The following BOP1 variants were observed in gnomAD, a reference collection of about 807,000 sequenced individuals.
BOP1 encodes ribosome biogenesis protein BOP1.
BOP1 carries 54 observed loss-of-function variants against 82.9 expected under a neutral mutation model. The ratio of observed to expected loss-of-function variants is 0.65; its 90% CI spans 0.52 to 0.82. The LOEUF (loss-of-function observed/expected upper bound fraction) is 0.82. Among genes scored for constraint, BOP1 ranks in the 40% least tolerant of loss-of-function variants. BOP1 has a pLI of 0.00. For missense variants in BOP1, 1,170 were observed against 1,072.0 expected (o/e 1.09, Z -1.28); for synonymous variants, 566 against 451.1 (o/e 1.25, Z -3.23).
chr8:144,264,150 G>A lies in BOP1; in HGVS notation c.979-8C>T. 3 of 1,610,798 alleles carry A rather than the reference G, an allele frequency of 1.9e-6. No individual in the cohort carries two copies. The highest frequency in any genetic ancestry group is 1.8e-4 in the Middle Eastern group (1 of 5,678). The stretch of plus-strand genomic sequence containing the variant: ...CTGTTCCCACGCCAAGCGCTGTGGA[G>A]ACCAAGACACAGGGGTGGGGAGGGT... On this transcript the variant is annotated splice_region_variant and splice_polypyrimidine_tract_variant and intron_variant, in intron 7 of 15. Coordinates refer to ENST00000569669, the MANE Select transcript of BOP1 (RefSeq NM_015201.5).
chr8:144,266,463 G>C, intron 3 of BOP1: 3 of 973,538 alleles, frequency 3.1e-6, no homozygotes, highest in Non-Finnish European at 3.7e-6. Flanking sequence ...GGCCCGGGAC[G>C]CACATGTGCG....
At position 144,264,502 on chromosome 8, in the gene BOP1, C is replaced by T. The variant is rs2130199430; in HGVS notation, c.765+13G>A. The T allele has an allele frequency of 5.0e-6, 8 of 1,609,144 alleles. No homozygotes were observed. The South Asian group carries it at 7.7e-5, about 16-fold the overall frequency. On this transcript the variant is annotated intron_variant, in intron 6 of 15. Transcript: ENST00000569669. ...GTCAGCCCAGGCCAAGCCCCAGGGG[C>T]TGTGTGCCCCACCTTCTCCTTCTCC...
chr8:144,262,411 T>G lies in BOP1; in HGVS notation c.2072A>C (p.His691Pro). 1 of 1,612,686 alleles carries G rather than the reference T, an allele frequency of 6.2e-7. No individual in the cohort carries two copies. The highest frequency in any genetic ancestry group is 8.5e-7 in the Non-Finnish European group (1 of 1,179,800). Reference sequence around the variant, plus strand: ...CAGCACTCACTTGTACACCATGCCATGGCAGACGATGACACTGCCGTCGTC... The same window carrying G: ...CAGCACTCACTTGTACACCATGCCAGGGCAGACGATGACACTGCCGTCGTC... ...GSDDGSVIVC[H>P]GMVYNDLLQN... Residue 691 changes from histidine (H) to proline (P), a missense_variant, in exon 15 of 16, where the codon CAT (histidine) becomes CCT (proline). By Grantham distance (77) the His-to-Pro change is moderately conservative. Coordinates refer to ENST00000569669, the MANE Select transcript of BOP1 (RefSeq NM_015201.5).
At chr8:144,277,606 G>A (rs1020427615) in intron 2 of BOP1, among the ~76,000 whole-genome samples, 5 of 152,274 alleles carry the variant, frequency 3.3e-5, no homozygotes, top group East Asian at 3.8e-4. Context: ...GTCACCCAGC[G>A]CTCTGTGCCC....
intron 2 of BOP1, among the ~76,000 whole-genome samples, chr8:144,282,869 A>G (rs1200354714): frequency 2.0e-5 from 3 of 151,974 alleles, no homozygotes; most frequent in South Asian, 2.1e-4. Context: ...CCCCAGAAAC[A>G]CAGACAGCAA....
Position 144,267,055 on chromosome 8 carries a change from G to A in BOP1, c.391-1984C>T, listed in dbSNP as rs1304826334. 2.8e-5 allele frequency: 42 copies of A among 1,483,720 alleles called. No homozygotes were observed. The Admixed American group carries it at 8.4e-4, about 30-fold the overall frequency. The allele number at this position is 1,483,720 out of a possible 1,614,324, so 91.9% of individuals were successfully genotyped here. A position where few individuals can be genotyped will look rare whatever the true frequency, so the allele number is the denominator to read the frequency against. On this transcript the variant is annotated intron_variant, in intron 3 of 15. Transcript: ENST00000569669. ...CGGACAGCCCTGCCACTCCGGGCCCGCCTTCTTCCACGCGGCGCGCGCCGG... is the reference window on the plus strand; with the variant it reads ...CGGACAGCCCTGCCACTCCGGGCCCACCTTCTTCCACGCGGCGCGCGCCGG...
chr8:144,266,757 C>G (rs1845378065), intron 3 of BOP1: 1 of 1,075,108 alleles, frequency 9.3e-7, no homozygotes. Flanking sequence ...CGCGCTGCGG[C>G]CTCCAGGGCG....
At chr8:144,273,004 C>A (rs55959122) in intron 3 of BOP1, among the ~76,000 whole-genome samples, 47,422 of 152,160 alleles carry the variant, frequency 0.31, 8,869 homozygotes, top group East Asian at 0.66. Context: ...GGCATGCAGG[C>A]GGCCGCGGGG....
At chr8:144,271,549 G>A (rs1554837798) in intron 3 of BOP1, among the ~76,000 whole-genome samples, 1 of 152,094 alleles carries the variant, frequency 6.6e-6, no homozygotes, top group Non-Finnish European at 1.5e-5. Context: ...GCCTTCCTGT[G>A]CGACGTGAGG....
At chr8:144,267,357 C>T (rs1845398540) in intron 3 of BOP1, among the ~76,000 whole-genome samples, 2 of 152,066 alleles carry the variant, frequency 1.3e-5, no homozygotes. Flanking sequence ...CTCTCCAGGG[C>T]GTCCCTAGGA....
In BOP1 at chr8:144,264,914, C is replaced by A. The variant is rs1284927889; in HGVS notation, c.545+3G>T. 1 of 1,611,298 alleles carries A rather than the reference C, an allele frequency of 6.2e-7. No individual in the cohort carries two copies. Among genetic ancestry groups the A allele is most frequent in the African/African-American group, 1.3e-5 (1 of 74,824 alleles). The stretch of plus-strand genomic sequence containing the variant: ...CTGCTGGCCCCACCCCACCAGCCCT[C>A]ACCAGTAGTCAGGATCGTCCATCTT... On this transcript the variant is annotated splice_donor_region_variant and intron_variant, in intron 4 of 15. Coordinates refer to ENST00000569669, the MANE Select transcript of BOP1 (RefSeq NM_015201.5).
chr8:144,280,428 G>A (rs1162523057), intron 2 of BOP1, among the ~76,000 whole-genome samples: 5 of 152,258 alleles, frequency 3.3e-5, no homozygotes, highest in East Asian at 1.9e-4. Flanking sequence ...CAGGGGGCCC[G>A]AGCCCAGGGT....
chr8:144,265,271 C>T (rs1266848315), intron 3 of BOP1, 200 bp from the exon 4 acceptor site: 6 of 649,392 alleles, frequency 9.2e-6, no homozygotes, highest in South Asian at 3.9e-5. Flanking sequence ...CCCCCACCCC[C>T]GCCCTCGGAG....
At chr8:144,281,783 C>A (rs1459740521) in intron 2 of BOP1, 1 of 152,160 alleles carries the variant, frequency 6.6e-6, no homozygotes, top group Non-Finnish European at 1.5e-5. Context: ...TGAGGTTTCA[C>A]CATGTTGGCC....
chr8:144,270,119 G>T (rs1368863145), intron 3 of BOP1, among the ~76,000 whole-genome samples: 1 of 152,170 alleles, frequency 6.6e-6, no homozygotes, highest in Non-Finnish European at 1.5e-5. Context: ...GATAGTGAAA[G>T]TCTCCAGGGC....
At chr8:144,280,591 A>G (rs1845653285) in intron 2 of BOP1, among the ~76,000 whole-genome samples, 1 of 152,180 alleles carries the variant, frequency 6.6e-6, no homozygotes, top group Non-Finnish European at 1.5e-5. Flanking sequence ...AGTGGCTCAC[A>G]CCTGTCATCC....
At position 144,291,296 on chromosome 8, in the gene BOP1, T is replaced by C; in HGVS notation, c.75A>G (p.Glu25=). 4.1e-6 allele frequency: 6 copies of C among 1,457,314 alleles called. No homozygotes were observed. The highest frequency in any genetic ancestry group is 4.5e-6 in the Non-Finnish European group (5 of 1,106,270). The allele number at this position is 1,457,314 out of a possible 1,614,324, so 90.3% of individuals were successfully genotyped here. The change falls in exon 1 of 16, where the codon GAA becomes GAG. Residue 25 remains glutamate, a synonymous_variant. Coordinates refer to ENST00000569669, the MANE Select transcript of BOP1 (RefSeq NM_015201.5). The surrounding 1 kb of genome is among the most constrained non-coding windows in gnomAD (Gnocchi z 4.1). ...CCTCCGGCTCGGGCTCAGGCTCCAG[T>C]TCGGGCTCAGACCGCCGCTTCTCCG... ...VRPEKRRSEP[E]LEPEPEPEPP... is the part of the protein sequence containing the mutation.
Position 144,291,247 on chromosome 8 carries a change from C to T in BOP1, c.99+25G>A, listed in dbSNP as rs1554840168. On this transcript the variant is annotated intron_variant, in intron 1 of 15. Transcript: ENST00000569669. This position sits in a 1 kb window ranked among gnomAD's most constrained non-coding sequence, Gnocchi z 4.1. ...CGCCGGGCCCTCTAGGGACGCGCCC[C>T]GCCGCCCCGCATCGCCACAGTCACC... 2.1e-6 allele frequency: 3 copies of T among 1,445,340 alleles called. No homozygotes were observed. Among genetic ancestry groups the T allele is most frequent in the African/African-American group, 1.5e-5 (1 of 66,960 alleles). 89.5% of individuals were successfully genotyped at this position (1,445,340 alleles called of 1,614,324 possible).
chr8:144,264,939 T>A lies in BOP1; in HGVS notation c.523A>T (p.Lys175Ter). The A allele has an allele frequency of 6.2e-7, 1 of 1,612,088 alleles. No homozygotes were observed. The highest frequency in any genetic ancestry group is 8.5e-7 in the Non-Finnish European group (1 of 1,179,684). The change falls in exon 4 of 16, where the codon AAG (lysine) becomes TAG (stop). Residue 175 changes from lysine (K) to a stop codon, truncating the protein, a stop_gained. Transcript: ENST00000569669. LOFTEE classifies it high-confidence loss of function. ...CACCAGTAGTCAGGATCGTCCATCT[T>A]GTCCAGGAACTGGTCCAGCTCATCC... ...TRDELDQFLD[K>*]MDDPDYWRTV...
Sources: gnomAD v4.1 joint callset for allele counts (sites outside exome capture counted in the v4.1 genomes callset) on GRCh38, gnomAD v4.1.1 for gene constraint, Gnocchi (gnomAD v3.1) non-coding constraint, MANE v1.5 for transcripts, NCBI Gene and HGNC (gene_info 2026-07-23, HGNC 2026-07-21) for gene names.